Variants in MFAP3 observed in about 807,000 individuals in gnomAD.
MFAP3 encodes the protein microfibril-associated glycoprotein 3.
Under a neutral mutation model 20.5 loss-of-function variants are expected in MFAP3, and 8 were observed. The ratio of observed to expected loss-of-function variants is 0.39; its 90% confidence interval spans 0.23 to 0.70. The LOEUF is 0.70. Ranked by LOEUF, MFAP3 falls within the 30% of genes least tolerant of loss-of-function variation. The probability of loss-of-function intolerance (pLI) is 0.44; values close to 1 mark genes in which losing one functional copy is unlikely to be tolerated. For synonymous variants in MFAP3, 140 were observed against 154.0 expected, an observed-to-expected ratio of 0.91 and a Z score of 0.67; for missense variants, 398 against 444.6, an observed-to-expected ratio of 0.90 and a Z score of 0.94.
intron 1 of MFAP3, among the ~76,000 whole-genome samples, chr5:154,043,727 A>AAT (rs367632606): frequency 0.33 from 38,349 of 114,602 alleles, 5,105 homozygotes; most frequent in South Asian, 0.45. Context: ...CAGCAGGCAT[A>AAT]ATATATATAT....
chr5:154,047,217 C>T (rs1322572360), intron 1 of MFAP3, among the ~76,000 whole-genome samples: 2 of 152,126 alleles, frequency 1.3e-5, no homozygotes, highest in Admixed American at 1.3e-4. Flanking sequence ...ATGAGATTAA[C>T]TCCCCATGTT....
At chr5:154,039,533 GC>G (rs1772855858) in intron 1 of MFAP3, among the ~76,000 whole-genome samples, 1 of 152,180 alleles carries the variant, frequency 6.6e-6, no homozygotes. Flanking sequence ...AGGGACTTGA[GC>G]CCAAATCTTG....
intron 1 of MFAP3, among the ~76,000 whole-genome samples, chr5:154,044,406 C>T (rs949037476): frequency 6.6e-6 from 1 of 152,158 alleles, no homozygotes; most frequent in Admixed American, 6.5e-5. Flanking sequence ...CGTATCTTTG[C>T]CAGTGTTTTC....
Position 154,053,669 on chromosome 5 carries a change from A to G in MFAP3, c.1045A>G (p.Asn349Asp). The change falls in exon 3 of 3, where the codon AAC (asparagine) becomes GAC (aspartate). Residue 349 changes from asparagine to aspartate, a missense_variant. Transcript: ENST00000522782. ...TGATGATATAGGATCTGCAGAATCT[A>G]ACTGTAACTACAAAGATGGGGCATA... is the stretch of plus-strand genomic sequence containing the variant. Reference protein sequence around the residue: ...PPDDIGSAESNCNYKDGAYEN... With the variant: ...PPDDIGSAESDCNYKDGAYEN... The G allele has an allele frequency of 1.2e-6, 2 of 1,613,738 alleles. No homozygotes were observed. The highest frequency in any genetic ancestry group is 1.7e-6 in the Non-Finnish European group (2 of 1,179,736).
chr5:154,049,471 TTAAC>T, intron 1 of MFAP3, 82 bp from the exon 2 acceptor site: 1 of 428,062 alleles, frequency 2.3e-6, no homozygotes, highest in East Asian at 4.3e-5. Context: ...ATTATTCTAA[TTAAC>T]ATCTATTCAT....
intron 1 of MFAP3, among the ~76,000 whole-genome samples, chr5:154,046,150 A>T (rs1773069305): frequency 6.6e-6 from 1 of 152,218 alleles, no homozygotes; most frequent in African/African-American, 2.4e-5. Flanking sequence ...GTGATCTTTT[A>T]TTCCTACCAT....
At chr5:154,049,328 C>T (rs762582342) in intron 1 of MFAP3, among the ~76,000 whole-genome samples, 12 of 152,130 alleles carry the variant, frequency 7.9e-5, no homozygotes, top group South Asian at 4.1e-4. Context: ...TTGCCAAGGT[C>T]GTACAGCTAG....
chr5:154,040,495 G>T (rs2113551525), intron 1 of MFAP3, among the ~76,000 whole-genome samples: 1 of 152,272 alleles, frequency 6.6e-6, no homozygotes, highest in Non-Finnish European at 1.5e-5. Flanking sequence ...GAGAATGTGA[G>T]TGAAAAAGGG....
chr5:154,055,134 T>C lies in MFAP3; in HGVS notation c.*1421T>C, dbSNP rs1773296802. 1 of 167,086 alleles carries C rather than the reference T, an allele frequency of 6.0e-6. No homozygotes were observed. The highest frequency in any genetic ancestry group is 1.5e-5 in the Non-Finnish European group (1 of 68,116). The allele number at this position is 167,086 out of a possible 1,614,324, so 10.4% of individuals were successfully genotyped here. On this transcript the variant is annotated 3_prime_UTR_variant, in exon 3 of 3. Coordinates refer to ENST00000522782, the MANE Select transcript of MFAP3 (RefSeq NM_005927.5). ...GTGGTGCCATATAATTTTAAGAACT[T>C]GGCAGTGGAGCTCCATTTGGGGCTT...
chr5:154,044,936 T>TAA (rs1561588425), intron 1 of MFAP3, among the ~76,000 whole-genome samples: 1 of 80,322 alleles, frequency 1.2e-5, no homozygotes, highest in Non-Finnish European at 2.8e-5. Context: ...GTTTCTTTTT[T>TAA]TAAAAAAAAA....
chr5:154,040,599 G>A (rs1172096755), intron 1 of MFAP3, among the ~76,000 whole-genome samples: 1 of 152,192 alleles, frequency 6.6e-6, no homozygotes, highest in Non-Finnish European at 1.5e-5. Flanking sequence ...CTGAATTACG[G>A]TGATTGTCAT....
At chr5:154,048,832 T>C (rs1001032543) in intron 1 of MFAP3, among the ~76,000 whole-genome samples, 1 of 152,234 alleles carries the variant, frequency 6.6e-6, no homozygotes, top group Non-Finnish European at 1.5e-5. Context: ...AAATTTGGTA[T>C]GCTTACAAAC....
intron 1 of MFAP3, among the ~76,000 whole-genome samples, chr5:154,041,147 C>T (rs1167718316): frequency 6.7e-6 from 1 of 148,806 alleles, no homozygotes; most frequent in African/African-American, 2.5e-5. Flanking sequence ...AAAAAAAAAA[C>T]TCATCTGACA....
At chr5:154,050,615 T>C (rs960776634) in intron 2 of MFAP3, among the ~76,000 whole-genome samples, 2 of 142,028 alleles carry the variant, frequency 1.4e-5, no homozygotes. Flanking sequence ...CAGCTCTTTT[T>C]TTTTTTTTTT....
chr5:154,042,542 A>G (rs143945000), intron 1 of MFAP3, among the ~76,000 whole-genome samples: 26 of 152,260 alleles, frequency 1.7e-4, no homozygotes, highest in African/African-American at 6.0e-4. Flanking sequence ...GAATGTCACT[A>G]ACCTTTTTTA....
At chr5:154,042,601 G>A (rs1356183996) in intron 1 of MFAP3, among the ~76,000 whole-genome samples, 1 of 152,294 alleles carries the variant, frequency 6.6e-6, no homozygotes, top group East Asian at 1.9e-4. Flanking sequence ...ACAACTTTGT[G>A]TTTATTCTTT....
intron 1 of MFAP3, among the ~76,000 whole-genome samples, chr5:154,042,336 A>G (rs576075392): frequency 1.3e-5 from 2 of 152,342 alleles, no homozygotes; most frequent in South Asian, 2.1e-4. Flanking sequence ...TATAACTGAA[A>G]TAATCCTGGG....
At chr5:154,040,362 A>C (rs973282717) in intron 1 of MFAP3, among the ~76,000 whole-genome samples, 1 of 152,228 alleles carries the variant, frequency 6.6e-6, no homozygotes, top group Non-Finnish European at 1.5e-5. Flanking sequence ...ATTGTTTTAC[A>C]TTGTTACAAA....
At chr5:154,045,008 T>G (rs981631623) in intron 1 of MFAP3, among the ~76,000 whole-genome samples, 1 of 150,888 alleles carries the variant, frequency 6.6e-6, no homozygotes, top group Non-Finnish European at 1.5e-5. Flanking sequence ...CATGTATGAG[T>G]CTCTCTTTGT....
Sources: gnomAD v4.1 joint callset for allele counts (sites outside exome capture counted in the v4.1 genomes callset) on GRCh38, gnomAD v4.1.1 for gene constraint, MANE v1.5 for transcripts, NCBI Gene and HGNC (gene_info 2026-07-23, HGNC 2026-07-21) for gene names.